The following BAZ2B variants were observed in gnomAD, a reference collection of about 807,000 sequenced individuals.
BAZ2B encodes bromodomain adjacent to zinc finger domain 2B, also known as bromodomain adjacent to zinc finger domain protein 2B.
In BAZ2B, 91 loss-of-function variants were observed where a neutral mutation model predicts 246.0. That is an observed-to-expected ratio of 0.37 (90% CI 0.31 to 0.44). The LOEUF (loss-of-function observed/expected upper bound fraction) is 0.44, where lower values mean the gene tolerates loss of function less well. Among genes scored for constraint, BAZ2B ranks in the 20% least tolerant of loss-of-function variants. The probability of loss-of-function intolerance (pLI) is 1.00; values close to 1 mark genes in which losing one functional copy is unlikely to be tolerated. For synonymous variants in BAZ2B, 855 were observed against 860.0 expected (o/e 0.99, Z 0.10); for missense variants, 2,332 against 2,533.7 (o/e 0.92, Z 1.71).
chr2:159,351,790 C>T (rs139097436), intron 27 of BAZ2B, among the ~76,000 whole-genome samples: 1 of 152,228 alleles, frequency 6.6e-6, no homozygotes, highest in Non-Finnish European at 1.5e-5. Flanking sequence ...TTTATAAGAA[C>T]TATTTTAAAA....
chr2:159,404,620 G>C (rs2149795196), intron 16 of BAZ2B: 1 of 447,468 alleles, frequency 2.2e-6, no homozygotes, highest in South Asian at 4.4e-5. Context: ...GGATATTAAA[G>C]TACTTACACA....
the BAZ2B span, among the ~76,000 whole-genome samples, chr2:159,627,043 T>C: frequency 6.6e-6 from 1 of 152,166 alleles, no homozygotes; most frequent in Non-Finnish European, 1.5e-5. Flanking sequence ...TAAACACCTC[T>C]ACGCAAATAA....
chr2:159,522,926 C>G (rs1374629223), intron 2 of BAZ2B, among the ~76,000 whole-genome samples: 1 of 151,994 alleles, frequency 6.6e-6, no homozygotes, highest in African/African-American at 2.4e-5. Context: ...CATTGCTACT[C>G]CAAGTATAGT....
At chr2:159,644,534 A>C in the BAZ2B span, among the ~76,000 whole-genome samples, 12 of 152,232 alleles carry the variant, frequency 7.9e-5, 2 homozygotes, top group South Asian at 2.5e-3. Flanking sequence ...AGCAGCACTC[A>C]TGATTTCTGA....
At chr2:159,674,122 T>C in the BAZ2B span, among the ~76,000 whole-genome samples, 8 of 152,030 alleles carry the variant, frequency 5.3e-5, no homozygotes, top group African/African-American at 9.7e-5. Flanking sequence ...GGTGGGCAGA[T>C]TGCTTGAGCC....
intron 14 of BAZ2B, among the ~76,000 whole-genome samples, chr2:159,409,510 C>A (rs764247497): frequency 2.0e-5 from 3 of 152,112 alleles, no homozygotes; most frequent in African/African-American, 7.2e-5. Flanking sequence ...TCTCATTTCA[C>A]AACGTTTGGA....
intron 2 of BAZ2B, among the ~76,000 whole-genome samples, chr2:159,485,655 T>C (rs2079737328): frequency 6.6e-6 from 1 of 152,070 alleles, no homozygotes; most frequent in Non-Finnish European, 1.5e-5. Context: ...AAACCAGCTC[T>C]CAAGTTTCTA....
chr2:159,382,652 G>A lies in BAZ2B; in HGVS notation c.3912C>T (p.Asp1304=), dbSNP rs771118018. 36 of 1,594,246 alleles carry A rather than the reference G, an allele frequency of 2.3e-5. No homozygotes were observed. Among genetic ancestry groups the A allele is most frequent in the Middle Eastern group, 3.3e-4 (2 of 6,066 alleles). The change falls in exon 25 of 37, where the codon GAC becomes GAT. Residue 1304 remains aspartate (D), a synonymous_variant. Coordinates refer to ENST00000392783, the MANE Select transcript of BAZ2B (RefSeq NM_013450.4). ...CATCCCCTTGGTCATCACTGTCATC[G>A]TCATCATCATCGTCATAATCACTGT... ...GGDSDYDDDD[D]DDSDDQGDED...
At chr2:159,478,474 C>T in intron 3 of BAZ2B, 101 bp downstream of exon 3, 1 of 1,300,042 alleles carries the variant, frequency 7.7e-7, no homozygotes. Flanking sequence ...TTCAACAGGT[C>T]AATGCAAGTC....
At chr2:159,607,254 T>C (rs927771646) in intron 1 of BAZ2B, among the ~76,000 whole-genome samples, 7 of 152,198 alleles carry the variant, frequency 4.6e-5, no homozygotes, top group Non-Finnish European at 8.8e-5. Context: ...AAAGTGTTTT[T>C]TGAGCCAGAG....
chr2:159,512,717 T>C (rs1559660440), intron 2 of BAZ2B, among the ~76,000 whole-genome samples: 1 of 152,176 alleles, frequency 6.6e-6, no homozygotes, highest in African/African-American at 2.4e-5. Context: ...TGTAATTTTC[T>C]AAGCACTTAT....
chr2:159,640,869 T>A, the BAZ2B span, among the ~76,000 whole-genome samples: 2 of 144,818 alleles, frequency 1.4e-5, no homozygotes, highest in African/African-American at 5.1e-5. Flanking sequence ...AAATCCAAGA[T>A]TAGTAGAAGA....
Position 159,385,247 on chromosome 2 carries a change from C to A in BAZ2B, c.3594G>T (p.Lys1198Asn), listed in dbSNP as rs753314578. Residue 1198 changes from lysine (K) to asparagine (N), a missense_variant, in exon 23 of 37, where the codon AAG becomes AAT. Lys to Asn is a moderately conservative substitution (Grantham distance 94). Coordinates refer to ENST00000392783, the MANE Select transcript of BAZ2B (RefSeq NM_013450.4). ...GAGTGTGAGCCTGAAAAGCTTTGGTCTTCAGACTTTCAGTAAGCTCAGTTT... is the reference window on the plus strand; with the variant it reads ...GAGTGTGAGCCTGAAAAGCTTTGGTATTCAGACTTTCAGTAAGCTCAGTTT... ...CGQTELTESL[K>N]TKAFQAHTPA... 4 of 1,613,430 alleles carry A rather than the reference C, an allele frequency of 2.5e-6. No homozygotes were observed. The highest frequency in any genetic ancestry group is 3.4e-6 in the Non-Finnish European group (4 of 1,179,664).
chr2:159,526,155 G>T (rs536290133), intron 2 of BAZ2B, among the ~76,000 whole-genome samples: 2 of 152,178 alleles, frequency 1.3e-5, no homozygotes, highest in South Asian at 4.1e-4. Flanking sequence ...TGTAAAAATT[G>T]TATTGTAGAA....
chr2:159,592,693 G>A (rs539625008), intron 1 of BAZ2B, among the ~76,000 whole-genome samples: 19 of 152,254 alleles, frequency 1.2e-4, no homozygotes, highest in East Asian at 3.9e-4. Context: ...GAAAAAAGGC[G>A]TGCCAAGAAC....
intron 16 of BAZ2B, among the ~76,000 whole-genome samples, chr2:159,402,543 T>C (rs535849837): frequency 6.6e-6 from 1 of 152,340 alleles, no homozygotes; most frequent in East Asian, 1.9e-4. Flanking sequence ...TTAGAAAAGA[T>C]TGATCCATAT....
At chr2:159,540,434 T>C (rs980526958) in intron 2 of BAZ2B, among the ~76,000 whole-genome samples, 2 of 152,152 alleles carry the variant, frequency 1.3e-5, no homozygotes, top group Non-Finnish European at 2.9e-5. Flanking sequence ...TATAAGTGGG[T>C]TGAAGAATGT....
intron 33 of BAZ2B, among the ~76,000 whole-genome samples, chr2:159,334,869 T>C (rs969206924): frequency 2.6e-5 from 4 of 152,194 alleles, no homozygotes; most frequent in African/African-American, 7.2e-5. Flanking sequence ...AAAATATAAA[T>C]ACAAATTTCA....
At chr2:159,555,228 A>G (rs2088942203) in intron 2 of BAZ2B, among the ~76,000 whole-genome samples, 1 of 151,514 alleles carries the variant, frequency 6.6e-6, no homozygotes, top group African/African-American at 2.4e-5. Flanking sequence ...AGTAGCTGGG[A>G]TTACAGGTGT....
Sources: allele counts gnomAD v4.1 joint callset (sites outside exome capture counted in the v4.1 genomes callset), GRCh38; gene constraint gnomAD v4.1.1; transcripts MANE v1.5; gene names NCBI Gene and HGNC (gene_info 2026-07-23, HGNC 2026-07-21).